B3GALT1: variants seen among roughly 807,000 people sequenced by gnomAD.
The protein encoded by B3GALT1 is beta-1,3-galactosyltransferase 1, also known as UDP-Gal:betaGlcNAc beta 1,3-galactosyltransferase, polypeptide 1.
B3GALT1 carries 10 observed loss-of-function variants against 23.2 expected under a neutral mutation model. The ratio of observed to expected loss-of-function variants is 0.43; its 90% CI spans 0.27 to 0.73. B3GALT1 has a LOEUF of 0.73. B3GALT1 is among the 30% of genes least tolerant of loss of function. The pLI is 0.21. For missense variants in B3GALT1, 299 were observed against 405.4 expected (o/e 0.74, Z 2.25); for synonymous variants, 156 against 141.5 (o/e 1.10, Z -0.73).
chr2:167,861,428 G>T (rs1690096863), intron 4 of B3GALT1, among the ~76,000 whole-genome samples: 1 of 152,200 alleles, frequency 6.6e-6, no homozygotes. Context: ...GGAGGAATTT[G>T]CAGGAGTGGG....
chr2:167,463,844 G>C (rs1228961388), intron 1 of B3GALT1, among the ~76,000 whole-genome samples: 1 of 152,128 alleles, frequency 6.6e-6, no homozygotes, highest in Non-Finnish European at 1.5e-5. Context: ...GAGTTGTATG[G>C]TAATTCATTG....
At chr2:167,744,588 C>G (rs993386726) in intron 3 of B3GALT1, among the ~76,000 whole-genome samples, 2 of 151,672 alleles carry the variant, frequency 1.3e-5, no homozygotes, top group Admixed American at 1.3e-4. Context: ...ATAGGCCTAT[C>G]TCTTTTTCTT....
At chr2:167,643,966 C>T (rs1216291881) in intron 2 of B3GALT1, among the ~76,000 whole-genome samples, 2 of 152,062 alleles carry the variant, frequency 1.3e-5, no homozygotes, top group African/African-American at 2.4e-5. Context: ...CATGTTTAGA[C>T]AGTGTCAATG....
chr2:167,507,692 AT>A (rs770436445), intron 2 of B3GALT1, among the ~76,000 whole-genome samples: 2 of 152,088 alleles, frequency 1.3e-5, no homozygotes, highest in Non-Finnish European at 2.9e-5. Context: ...TTGTGAAGGG[AT>A]CATGAAACTA....
In B3GALT1 at chr2:167,754,218, G is replaced by A. The variant is rs151033085; in HGVS notation, c.-351-64454G>A. Among the ~76,000 whole-genome samples the A allele has an allele frequency of 4.1e-3, 625 of 152,156 alleles. 8 individuals carry two copies. Among genetic ancestry groups the A allele is most frequent in the African/African-American group, 0.014 (598 of 41,514 alleles). ...ATTTTCAGAAGCACCCTAGTACTTCGACTTACAAATTTTCCTATGTTACTT... is the reference window on the plus strand; with the variant it reads ...ATTTTCAGAAGCACCCTAGTACTTCAACTTACAAATTTTCCTATGTTACTT... On this transcript the variant is annotated intron_variant, in intron 3 of 4. Transcript: ENST00000392690.
intron 2 of B3GALT1, among the ~76,000 whole-genome samples, chr2:167,588,695 TTA>T (rs932968843): frequency 2.6e-5 from 4 of 152,022 alleles, no homozygotes; most frequent in African/African-American, 7.2e-5. Context: ...TACTATTTGC[TTA>T]TATGTTTTTT....
At chr2:167,340,329 A>C (rs946627925) in intron 1 of B3GALT1, among the ~76,000 whole-genome samples, 9 of 151,674 alleles carry the variant, frequency 5.9e-5, no homozygotes, top group East Asian at 1.9e-4. Flanking sequence ...AAAAAAAAAA[A>C]AAAAAACAGA....
chr2:167,492,696 GGTCTCAT>G (rs1192499330), intron 2 of B3GALT1, among the ~76,000 whole-genome samples: 1 of 152,070 alleles, frequency 6.6e-6, no homozygotes, highest in Non-Finnish European at 1.5e-5. Context: ...GGTTTTTCAT[GGTCTCAT>G]GTTCTAACAT....
chr2:167,605,234 T>C (rs1458824709), intron 2 of B3GALT1, among the ~76,000 whole-genome samples: 1 of 152,250 alleles, frequency 6.6e-6, no homozygotes, highest in Non-Finnish European at 1.5e-5. Flanking sequence ...GCTTCATTTA[T>C]TGAGCATTCT....
At chr2:167,636,759 C>G (rs187329871) in intron 2 of B3GALT1, among the ~76,000 whole-genome samples, 266 of 152,204 alleles carry the variant, frequency 1.7e-3, no homozygotes, top group Non-Finnish European at 2.9e-3. Context: ...ACCGCATGTT[C>G]TCACTCATAA....
chr2:167,789,569 A>T (rs759930548), intron 3 of B3GALT1, among the ~76,000 whole-genome samples: 1 of 152,202 alleles, frequency 6.6e-6, no homozygotes, highest in Non-Finnish European at 1.5e-5. Flanking sequence ...AATAATAACA[A>T]TTATTATTGA....
In B3GALT1 at chr2:167,842,831, C is replaced by G. The variant is rs539212873; in HGVS notation, c.-230+24038C>G. 9.9e-5 allele frequency among the ~76,000 whole-genome samples: 15 copies of G among 152,204 alleles called. No homozygotes were observed. In the South Asian group the frequency reaches 2.3e-3, roughly 23 times the overall value. On this transcript the variant is annotated intron_variant, in intron 4 of 4. Transcript: ENST00000392690. Reference sequence around the variant, plus strand: ...GGAGGTTGCAGTGAGTAGGATCATGCCACTGTATTCCAGCCTGCACAACAG... The same window carrying G: ...GGAGGTTGCAGTGAGTAGGATCATGGCACTGTATTCCAGCCTGCACAACAG...
intron 2 of B3GALT1, among the ~76,000 whole-genome samples, chr2:167,510,000 A>G (rs907151952): frequency 6.6e-6 from 1 of 152,184 alleles, no homozygotes; most frequent in Non-Finnish European, 1.5e-5. Flanking sequence ...AGTAGGAGAC[A>G]AGCAGATATG....
intron 2 of B3GALT1, among the ~76,000 whole-genome samples, chr2:167,554,774 A>C (rs779599485): frequency 5.9e-5 from 9 of 152,240 alleles, no homozygotes; most frequent in Admixed American, 2.6e-4. Flanking sequence ...TAGTCCAATT[A>C]AGCAAAATTA....
At chr2:167,742,506 C>T (rs1311082461) in intron 3 of B3GALT1, among the ~76,000 whole-genome samples, 1 of 152,104 alleles carries the variant, frequency 6.6e-6, no homozygotes, top group Non-Finnish European at 1.5e-5. Context: ...TCAGTAAAGA[C>T]AGTAAAAAAG....
At chr2:167,422,692 T>C (rs1369981655) in intron 1 of B3GALT1, among the ~76,000 whole-genome samples, 1 of 152,052 alleles carries the variant, frequency 6.6e-6, no homozygotes, top group East Asian at 1.9e-4. Context: ...TTGGTGGCTG[T>C]CAGCTGAATG....
chr2:167,490,492 CAA>C (rs561285962), intron 2 of B3GALT1, among the ~76,000 whole-genome samples: 135 of 152,266 alleles, frequency 8.9e-4, no homozygotes, highest in African/African-American at 3.0e-3. Flanking sequence ...TATGTAGAAA[CAA>C]GAGTAATTGC....
rs113221935 is a variant in B3GALT1 at position 167,450,100 on chromosome 2, G to A, written c.-510-40077G>A. Among the ~76,000 whole-genome samples, 1,156 of 152,220 alleles carry A rather than the reference G, an allele frequency of 7.6e-3. 11 individuals are homozygous for A. The highest frequency in any genetic ancestry group is 0.013 in the Non-Finnish European group (880 of 67,994). ...TAGTTTTGGCATTAGGGTGTTACCA[G>A]CTTCACAGAATGATTTAGGGAGAAT... is the stretch of plus-strand genomic sequence containing the variant. On this transcript the variant is annotated intron_variant, in intron 1 of 4. Transcript: ENST00000392690.
chr2:167,490,410 A>T (rs1051557717), intron 2 of B3GALT1, 133 bp downstream of exon 2: 1 of 152,248 alleles, frequency 6.6e-6, no homozygotes, highest in Non-Finnish European at 1.5e-5. Context: ...TTCATGCTTT[A>T]TACCTTTCAT....
Sources: gnomAD v4.1 joint callset for allele counts (sites outside exome capture counted in the v4.1 genomes callset) on GRCh38, gnomAD v4.1.1 for gene constraint, MANE v1.5 for transcripts, NCBI Gene and HGNC (gene_info 2026-07-23, HGNC 2026-07-21) for gene names.